RAP1A: variants seen among roughly 807,000 people sequenced by gnomAD.
RAP1A encodes RAP1A, member of RAS oncogene family, also known as ras-related protein Rap-1A.
RAP1A carries 6 observed loss-of-function variants against 26.4 expected under a neutral mutation model. That is an observed-to-expected ratio of 0.23 (90% CI 0.12 to 0.45). The LOEUF (loss-of-function observed/expected upper bound fraction) is 0.45. RAP1A is among the 20% of genes least tolerant of loss of function. The pLI is 0.99. For missense variants in RAP1A, 121 were observed against 217.2 expected (o/e 0.56, Z 2.78); for synonymous variants, 73 against 79.4 (o/e 0.92, Z 0.43).
At chr1:111,546,695 C>T (rs889132131) in intron 1 of RAP1A, among the ~76,000 whole-genome samples, 1 of 152,184 alleles carries the variant, frequency 6.6e-6, no homozygotes, top group African/African-American at 2.4e-5. Context: ...GTTGCTTCCA[C>T]CTTCCAGCCA....
chr1:111,554,724 A>C (rs944441999), intron 1 of RAP1A, among the ~76,000 whole-genome samples: 11 of 152,350 alleles, frequency 7.2e-5, no homozygotes, highest in African/African-American at 2.2e-4. Context: ...ACTTCAAATA[A>C]GGTTACAGCC....
chr1:111,636,759 T>C (rs1659741757), intron 1 of RAP1A, among the ~76,000 whole-genome samples: 6 of 152,192 alleles, frequency 3.9e-5, no homozygotes, highest in Admixed American at 3.9e-4. Flanking sequence ...ATTACAGGCA[T>C]GAGCCACTGC....
intron 1 of RAP1A, among the ~76,000 whole-genome samples, chr1:111,653,407 C>A (rs577189053): frequency 1.3e-5 from 2 of 152,018 alleles, no homozygotes; most frequent in South Asian, 2.1e-4. Context: ...GTGGGCCAGG[C>A]GCGGTGGCTC....
At chr1:111,576,556 A>G (rs1055370510) in intron 1 of RAP1A, among the ~76,000 whole-genome samples, 4 of 152,226 alleles carry the variant, frequency 2.6e-5, no homozygotes, top group African/African-American at 9.6e-5. Flanking sequence ...GCGAACTTAA[A>G]TAGTTCAAGT....
intron 1 of RAP1A, among the ~76,000 whole-genome samples, chr1:111,691,022 G>T (rs1454759582): frequency 2.0e-5 from 3 of 152,160 alleles, no homozygotes; most frequent in African/African-American, 7.2e-5. Flanking sequence ...AAAGAATTGG[G>T]TTTATCATTG....
intron 3 of RAP1A, among the ~76,000 whole-genome samples, chr1:111,696,620 T>G (rs1661837556): frequency 6.6e-6 from 1 of 152,170 alleles, no homozygotes; most frequent in Non-Finnish European, 1.5e-5. Context: ...AAGACAGTGT[T>G]GCTCTACTGA....
intron 1 of RAP1A, chr1:111,649,196 A>G (rs544688981): frequency 5.8e-6 from 3 of 516,700 alleles, no homozygotes; most frequent in Non-Finnish European, 1.1e-5. Context: ...TCTTGAAGTA[A>G]TGGCCCCAGT....
At chr1:111,562,884 T>C (rs751470255) in intron 1 of RAP1A, among the ~76,000 whole-genome samples, 1 of 152,254 alleles carries the variant, frequency 6.6e-6, no homozygotes, top group Non-Finnish European at 1.5e-5. Context: ...AAGTAGATGC[T>C]TAGCCTTGTG....
At chr1:111,680,360 C>T (rs570526876) in intron 1 of RAP1A, among the ~76,000 whole-genome samples, 2 of 152,184 alleles carry the variant, frequency 1.3e-5, no homozygotes, top group African/African-American at 4.8e-5. Flanking sequence ...CCATGTCCTG[C>T]TGATTGGTCC....
rs144674324 is a variant in RAP1A at position 111,573,547 on chromosome 1, C to A, written c.-28+31038C>A. ...ACAGGGTTTCACCATGTTAGCCAGG[C>A]TGGTCTCGAACTCCTGACCTCAGGC... is the stretch of plus-strand genomic sequence containing the variant. On this transcript the variant is annotated intron_variant, in intron 1 of 7. Coordinates refer to the RAP1A transcript ENST00000356415. 1.5e-3 allele frequency among the ~76,000 whole-genome samples: 229 copies of A among 152,272 alleles called. 6 individuals carry two copies. The East Asian group carries it at 0.041, about 28-fold the overall frequency.
chr1:111,612,502 T>C (rs939572239), intron 1 of RAP1A, among the ~76,000 whole-genome samples: 3 of 152,248 alleles, frequency 2.0e-5, no homozygotes, highest in Non-Finnish European at 4.4e-5. Flanking sequence ...TCTTCCACTC[T>C]GATTTAGCTC....
At chr1:111,697,333 G>A in intron 3 of RAP1A, 108 bp from the exon 4 acceptor site, 1 of 1,579,180 alleles carries the variant, frequency 6.3e-7, no homozygotes, top group Non-Finnish European at 8.6e-7. Context: ...TACTGCTGGA[G>A]ACAGGCTTTG....
At chr1:111,665,677 G>C (rs754360493) in intron 1 of RAP1A, among the ~76,000 whole-genome samples, 4 of 152,134 alleles carry the variant, frequency 2.6e-5, no homozygotes, top group Non-Finnish European at 4.4e-5. Flanking sequence ...GATTTGCTAT[G>C]TTGCTAAAAC....
At position 111,555,362 on chromosome 1, in the gene RAP1A, TAAAA is replaced by T. The variant is rs397981230; in HGVS notation, c.-28+12879_-28+12882del. 4.6e-3 allele frequency among the ~76,000 whole-genome samples: 218 copies of T among 47,618 alleles called. 1 individual carries two copies. The highest frequency in any genetic ancestry group is 7.1e-3 in the Admixed American group (22 of 3,080). The allele number at this position is 47,618 out of a possible 152,430, so 31.2% of individuals were successfully genotyped here. On this transcript the variant is annotated intron_variant, in intron 1 of 7. Coordinates refer to the RAP1A transcript ENST00000356415. The stretch of plus-strand genomic sequence containing the variant: ...GCCTGGGTGACAGACTGAGACTCTG[TAAAA>T]AAAAAAAAAAAAAAAAAAAAAAAAA...
intron 1 of RAP1A, chr1:111,649,327 G>A: frequency 4.8e-6 from 2 of 420,698 alleles, no homozygotes; most frequent in South Asian, 2.0e-5. Flanking sequence ...GCGTTGCATG[G>A]TCTCCTCATT....
chr1:111,555,981 C>CA (rs780221047), intron 1 of RAP1A, among the ~76,000 whole-genome samples: 2 of 152,132 alleles, frequency 1.3e-5, no homozygotes, highest in Non-Finnish European at 2.9e-5. Context: ...AAAGGAAACT[C>CA]ACAGAATGGG....
At chr1:111,564,049 C>T in intron 1 of RAP1A, 1 of 882,822 alleles carries the variant, frequency 1.1e-6, no homozygotes, top group Non-Finnish European at 1.9e-6. Context: ...CAGGAATTCC[C>T]TGTTTTGGGG....
chr1:111,634,770 G>A (rs978360317), intron 1 of RAP1A, among the ~76,000 whole-genome samples: 1 of 151,716 alleles, frequency 6.6e-6, no homozygotes, highest in South Asian at 2.1e-4. Flanking sequence ...TCAGCCTCCT[G>A]AGTAGCTGGG....
chr1:111,706,568 G>A (rs760744647), intron 6 of RAP1A: 9 of 296,204 alleles, frequency 3.0e-5, no homozygotes, highest in Non-Finnish European at 4.0e-5. Context: ...AGAATTAATT[G>A]TTCTTTGCTG....
Sources: gnomAD v4.1 joint callset for allele counts (sites outside exome capture counted in the v4.1 genomes callset) on GRCh38, gnomAD v4.1.1 for gene constraint, MANE v1.5 for transcripts, NCBI Gene and HGNC (gene_info 2026-07-23, HGNC 2026-07-21) for gene names.